MAPKAPK2: variants seen among roughly 807,000 people sequenced by gnomAD.
The protein encoded by MAPKAPK2 is MAP kinase-activated protein kinase 2.
In MAPKAPK2, 9 loss-of-function variants were observed where a neutral mutation model predicts 48.8. That is an observed-to-expected ratio of 0.18 (90% CI 0.11 to 0.32). The LOEUF (loss-of-function observed/expected upper bound fraction) is 0.32, where lower values mean the gene tolerates loss of function less well. MAPKAPK2 is among the 10% of genes least tolerant of loss of function. The pLI, the probability that MAPKAPK2 is intolerant of heterozygous loss-of-function variation, is 1.00. For synonymous variants in MAPKAPK2, 202 were observed against 190.6 expected, an observed-to-expected ratio of 1.06 and a Z score of -0.49; for missense variants, 331 against 498.3, an observed-to-expected ratio of 0.66 and a Z score of 3.20.
chr1:206,707,122 G>A (rs1672987150), intron 1 of MAPKAPK2, among the ~76,000 whole-genome samples: 1 of 152,138 alleles, frequency 6.6e-6, no homozygotes, highest in Non-Finnish European at 1.5e-5. Flanking sequence ...CCTGCTTGCA[G>A]CTGTGGCACA....
chr1:206,715,146 G>T (rs1553430151), intron 1 of MAPKAPK2, among the ~76,000 whole-genome samples: 9 of 152,232 alleles, frequency 5.9e-5, no homozygotes. Flanking sequence ...TGTTTAGCTT[G>T]TTCTAGTCTG....
At chr1:206,698,639 T>C (rs1367932997) in intron 1 of MAPKAPK2, among the ~76,000 whole-genome samples, 1 of 152,250 alleles carries the variant, frequency 6.6e-6, no homozygotes, top group Admixed American at 6.5e-5. Flanking sequence ...GTGTTAGGTG[T>C]TTTACTTACA....
At chr1:206,691,319 C>G (rs2102374087) in intron 1 of MAPKAPK2, among the ~76,000 whole-genome samples, 1 of 151,970 alleles carries the variant, frequency 6.6e-6, no homozygotes, top group Non-Finnish European at 1.5e-5. Flanking sequence ...AACGCATCAG[C>G]TAGGATCTTT....
In MAPKAPK2 at chr1:206,713,577, G is replaced by C. The variant is rs181445009; in HGVS notation, c.280-15133G>C. Among the ~76,000 whole-genome samples, 40 of 152,276 alleles carry C rather than the reference G, an allele frequency of 2.6e-4. No homozygotes were observed. The East Asian group carries it at 7.1e-3, about 27-fold the overall frequency. ...TTCTAGAAACCAGTTAGAAAACACAGAAGAGTAGGCCAGGCATGGTGGCTC... is the reference window on the plus strand; with the variant it reads ...TTCTAGAAACCAGTTAGAAAACACACAAGAGTAGGCCAGGCATGGTGGCTC... On this transcript the variant is annotated intron_variant, in intron 1 of 9. Transcript: ENST00000367103.
At chr1:206,723,637 T>C (rs1553431534) in intron 1 of MAPKAPK2, among the ~76,000 whole-genome samples, 2 of 152,238 alleles carry the variant, frequency 1.3e-5, no homozygotes, top group Admixed American at 1.3e-4. Context: ...TCCTGTCCTC[T>C]GGCTCAGCCA....
intron 1 of MAPKAPK2, among the ~76,000 whole-genome samples, chr1:206,692,700 A>G (rs1337024581): frequency 1.3e-5 from 2 of 152,248 alleles, no homozygotes; most frequent in African/African-American, 4.8e-5. Flanking sequence ...GTTCTCCTCC[A>G]AGACCAGCCA....
chr1:206,685,559 G>C, intron 1 of MAPKAPK2, 51 bp downstream of exon 1: 1 of 1,380,648 alleles, frequency 7.2e-7, no homozygotes, highest in African/African-American at 1.6e-5. Context: ...GGGCCCTGGA[G>C]CTCCACGGCG....
chr1:206,729,199 C>G, intron 3 of MAPKAPK2, 100 bp downstream of exon 3: 1 of 1,304,550 alleles, frequency 7.7e-7, no homozygotes, highest in Admixed American at 1.7e-5. Context: ...GGTGCTGAGG[C>G]TGCTGCCCCC....
chr1:206,730,790 T>TGGGGG, intron 6 of MAPKAPK2, 27 bp downstream of exon 6: 27 of 657,958 alleles, frequency 4.1e-5, no homozygotes, highest in Admixed American at 6.0e-5. Context: ...GGGGGCTGGG[T>TGGGGG]GGGGCAGGGA....
In MAPKAPK2 at chr1:206,732,965, T is replaced by G. The variant is rs886277192; in HGVS notation, c.*247T>G. 51 of 474,984 alleles carry G rather than the reference T, an allele frequency of 1.1e-4. No individual in the cohort carries two copies. In the Admixed American group the frequency reaches 1.8e-3, roughly 17 times the overall value. The allele number at this position is 474,984 out of a possible 1,614,324, so 29.4% of individuals were successfully genotyped here. On this transcript the variant is annotated 3_prime_UTR_variant, in exon 10 of 10. Transcript: ENST00000367103. The surrounding 1 kb of genome is among the most constrained non-coding windows in gnomAD (Gnocchi z 4.4). ...CTTGAACCTGTGCTCATTTTGCAAT[T>G]TTATCAGTAATTTGACTTAGAGTTT...
chr1:206,728,020 AG>A (rs1673760945), intron 1 of MAPKAPK2, among the ~76,000 whole-genome samples: 2 of 108,950 alleles, frequency 1.8e-5, no homozygotes, highest in Admixed American at 2.1e-4. Context: ...TGGCTTAGAC[AG>A]GTCAAGATTG....
In MAPKAPK2 at chr1:206,731,272, C is replaced by G. The variant is rs781817085; in HGVS notation, c.892+10C>G. 21 of 1,614,080 alleles carry G rather than the reference C, an allele frequency of 1.3e-5. No homozygotes were observed. Among genetic ancestry groups the G allele is most frequent in the Non-Finnish European group, 1.8e-5 (21 of 1,180,022 alleles). On this transcript the variant is annotated intron_variant, in intron 7 of 9. Transcript: ENST00000367103. The surrounding 1 kb of genome is among the most constrained non-coding windows in gnomAD (Gnocchi z 5.9). ...GAAGTATCAGAGGAAGGTAAGAACC[C>G]AGGCTTTCAGGACAAGGGGAAGAGC...
At chr1:206,695,240 A>G (rs1672578361) in intron 1 of MAPKAPK2, among the ~76,000 whole-genome samples, 1 of 152,122 alleles carries the variant, frequency 6.6e-6, no homozygotes, top group Admixed American at 6.5e-5. Flanking sequence ...AGGGGGTGGG[A>G]TGGGTGGTTG....
chr1:206,699,005 T>C (rs1468305098), intron 1 of MAPKAPK2, among the ~76,000 whole-genome samples: 1 of 152,244 alleles, frequency 6.6e-6, no homozygotes, highest in African/African-American at 2.4e-5. Context: ...ACCTAGCAAT[T>C]TTAAGTTTAT....
chr1:206,700,003 CT>C (rs574216957), intron 1 of MAPKAPK2, among the ~76,000 whole-genome samples: 6,610 of 126,266 alleles, frequency 0.052, 243 homozygotes, highest in African/African-American at 0.12. Context: ...CTTCTTCTTA[CT>C]TTTTTTTTTT....
chr1:206,729,319 C>T (rs1462256876), intron 3 of MAPKAPK2, 77 bp from the exon 4 acceptor site: 14 of 1,290,270 alleles, frequency 1.1e-5, no homozygotes, highest in Admixed American at 5.1e-5. Flanking sequence ...AGGTGGGACC[C>T]GGTGCACTGG....
intron 1 of MAPKAPK2, among the ~76,000 whole-genome samples, chr1:206,701,852 AAAAAG>A (rs1553427958): frequency 6.6e-6 from 1 of 151,232 alleles, no homozygotes; most frequent in African/African-American, 2.4e-5. Flanking sequence ...AAAAAAAAAA[AAAAAG>A]AGGAGTTCAC....
At chr1:206,726,895 A>G (rs1448522815) in intron 1 of MAPKAPK2, among the ~76,000 whole-genome samples, 3 of 152,156 alleles carry the variant, frequency 2.0e-5, no homozygotes, top group Non-Finnish European at 2.9e-5. Flanking sequence ...CATCATGGCC[A>G]TCTGATCTTA....
intron 1 of MAPKAPK2, among the ~76,000 whole-genome samples, chr1:206,721,700 T>C (rs1673522835): frequency 6.6e-6 from 1 of 151,984 alleles, no homozygotes; most frequent in Non-Finnish European, 1.5e-5. Flanking sequence ...ACTCAGTGAG[T>C]TTTCTCATTT....
Sources: allele counts gnomAD v4.1 joint callset (sites outside exome capture counted in the v4.1 genomes callset), GRCh38; gene constraint gnomAD v4.1.1; non-coding constraint Gnocchi (gnomAD v3.1); transcripts MANE v1.5; gene names NCBI Gene and HGNC (gene_info 2026-07-23, HGNC 2026-07-21).